The following PRMT7 variants were observed in gnomAD, a reference collection of about 807,000 sequenced individuals.
PRMT7 encodes the protein protein arginine methyltransferase 7, also known as protein arginine N-methyltransferase 7.
Under a neutral mutation model 85.4 loss-of-function variants are expected in PRMT7, and 75 were observed. That is an observed-to-expected ratio of 0.88 (90% confidence interval 0.73 to 1.06). The LOEUF is 1.06. PRMT7 is among the 50% of genes least tolerant of loss of function. The pLI is 0.00. For missense variants in PRMT7, 868 were observed against 915.2 expected, an observed-to-expected ratio of 0.95 and a Z score of 0.67; for synonymous variants, 397 against 359.5, an observed-to-expected ratio of 1.10 and a Z score of -1.18.
At chr16:68,324,389 C>G (rs953189727) in intron 4 of PRMT7, 1 of 409,390 alleles carries the variant, frequency 2.4e-6, no homozygotes, top group Non-Finnish European at 4.5e-6. Context: ...CTCTTGGTCC[C>G]CCTTTTGGCT....
At position 68,353,209 on chromosome 16, in the gene PRMT7, G is replaced by A. The variant is rs558297935; in HGVS notation, c.1576-283G>A. Among the ~76,000 whole-genome samples, 17 of 152,276 alleles carry A rather than the reference G, an allele frequency of 1.1e-4. 1 individual carries two copies. The highest frequency in any genetic ancestry group is 6.8e-3 in the Middle Eastern group (2 of 294). ...ACAGATTTCTTCCCAAAGAAATGAT[G>A]TTCAGGATGGCCCGGATAGGAGTGT... On this transcript the variant is annotated intron_variant, in intron 15 of 18. Coordinates refer to ENST00000441236, the MANE Select transcript of PRMT7 (RefSeq NM_019023.5).
Position 68,348,376 on chromosome 16 carries a change from A to G in PRMT7, c.1358A>G (p.Asn453Ser). ...GCTAACCACTTGGAAGATAAAATTAACATCATAGAGAAACGGCCGGAATTA... is the reference window on the plus strand; with the variant it reads ...GCTAACCACTTGGAAGATAAAATTAGCATCATAGAGAAACGGCCGGAATTA... Reference protein sequence around the residue: ...FKANHLEDKINIIEKRPELLT... With the variant: ...FKANHLEDKISIIEKRPELLT... The change falls in exon 14 of 19, where the codon AAC becomes AGC. Residue 453 changes from asparagine to serine, a missense_variant. Coordinates refer to ENST00000441236, the MANE Select transcript of PRMT7 (RefSeq NM_019023.5). The G allele has an allele frequency of 6.2e-7, 1 of 1,611,624 alleles. No individual in the cohort carries two copies.
intron 6 of PRMT7, among the ~76,000 whole-genome samples, chr16:68,336,939 G>A (rs2084780728): frequency 6.6e-6 from 1 of 152,194 alleles, no homozygotes; most frequent in Admixed American, 6.5e-5. Context: ...TTTTAGTAGA[G>A]ATGGGGTTTC....
At chr16:68,332,812 G>A (rs1361786331) in intron 6 of PRMT7, among the ~76,000 whole-genome samples, 1 of 152,184 alleles carries the variant, frequency 6.6e-6, no homozygotes, top group African/African-American at 2.4e-5. Flanking sequence ...TCTCCTGGCT[G>A]ATAGCCAGAG....
chr16:68,338,866 AGC>A lies in PRMT7; in HGVS notation c.505-455_505-454del, dbSNP rs1597351593. Among the ~76,000 whole-genome samples, 3 of 152,280 alleles carry A rather than the reference AGC, an allele frequency of 2.0e-5. No individual in the cohort carries two copies. The East Asian group carries it at 5.8e-4, about 29-fold the overall frequency. ...GGAGGAGAGCCGGACAAGGAGCCGGAGCCGGAGCCACAGCCCTAGGGGCTGAG... is the reference window on the plus strand; with the variant it reads ...GGAGGAGAGCCGGACAAGGAGCCGGACGGAGCCACAGCCCTAGGGGCTGAG... On this transcript the variant is annotated intron_variant, in intron 7 of 18. Transcript: ENST00000441236.
Position 68,324,775 on chromosome 16 carries a change from G to A in PRMT7, c.225G>A (p.Thr75=), listed in dbSNP as rs374878092. The part of the protein sequence containing the change: ...KALVLDIGTG[T]GLLSMMAVTA... Reference sequence around the variant, plus strand: ...TGGTTCTCGACATTGGCACTGGCACGGGACTCTTGTCAATGATGGCGGTCA... The same window carrying A: ...TGGTTCTCGACATTGGCACTGGCACAGGACTCTTGTCAATGATGGCGGTCA... The change falls in exon 5 of 19, where the codon ACG becomes ACA. Residue 75 remains threonine, a synonymous_variant. Coordinates refer to ENST00000441236, the MANE Select transcript of PRMT7 (RefSeq NM_019023.5). 1.1e-5 allele frequency: 17 copies of A among 1,613,936 alleles called. No individual in the cohort carries two copies. The highest frequency in any genetic ancestry group is 4.5e-5 in the East Asian group (2 of 44,900).
Position 68,322,252 on chromosome 16 carries a change from G to A in PRMT7, c.132+790G>A, listed in dbSNP as rs193125835. On this transcript the variant is annotated intron_variant, in intron 4 of 18. Transcript: ENST00000441236. The stretch of plus-strand genomic sequence containing the variant: ...TGAGACTGGGTCTCTGTTGCCCAGT[G>A]CAGTGGTGTGATCTCGGCTGCACTG... 4.5e-3 allele frequency: 1,226 copies of A among 274,706 alleles called. 2 individuals are homozygous for A. Among genetic ancestry groups the A allele is most frequent in the Middle Eastern group, 7.1e-3 (5 of 706 alleles). The allele number at this position is 274,706 out of a possible 1,614,324, so 17.0% of individuals were successfully genotyped here.
At chr16:68,354,151 G>C (rs915220164) in intron 16 of PRMT7, among the ~76,000 whole-genome samples, 11 of 152,156 alleles carry the variant, frequency 7.2e-5, no homozygotes, top group Admixed American at 6.5e-5. Flanking sequence ...CCTGAGGCTG[G>C]TGGATTGCTT....
intron 14 of PRMT7, among the ~76,000 whole-genome samples, chr16:68,351,163 C>T (rs2087269244): frequency 6.6e-6 from 1 of 152,204 alleles, no homozygotes; most frequent in Admixed American, 6.5e-5. Context: ...TGCCATGTTC[C>T]TGATGCTGTG....
At chr16:68,319,711 A>AGAGTGTGTGTGTGT (rs1555543581) in intron 3 of PRMT7, among the ~76,000 whole-genome samples, 21 of 141,544 alleles carry the variant, frequency 1.5e-4, no homozygotes, top group East Asian at 4.4e-4. Flanking sequence ...TAAGAGTGAG[A>AGAGTGTGTGTGTGT]GTGTGTGTGT....
downstream of PRMT7, chr16:68,359,458 C>T (rs2089100532): frequency 6.6e-6 from 1 of 152,636 alleles, no homozygotes; most frequent in Admixed American, 6.5e-5. Context: ...AGGCCAGTGT[C>T]ACAAGGACGC....
At chr16:68,336,298 A>C (rs1245321912) in intron 6 of PRMT7, among the ~76,000 whole-genome samples, 1 of 152,234 alleles carries the variant, frequency 6.6e-6, no homozygotes, top group Non-Finnish European at 1.5e-5. Context: ...TGAGGTTTAG[A>C]AAACAGTTAA....
At chr16:68,321,389 G>A (rs1279450532) in intron 3 of PRMT7, 37 bp from the exon 4 acceptor site, 2 of 1,545,046 alleles carry the variant, frequency 1.3e-6, no homozygotes, top group Non-Finnish European at 1.8e-6. Context: ...GTGTTGATGT[G>A]TATCATGCAA....
chr16:68,346,250 A>T lies in PRMT7; in HGVS notation c.1161A>T (p.Arg387Ser). The change falls in exon 11 of 19, where the codon AGA becomes AGT. Residue 387 changes from arginine to serine, a missense_variant. Arg to Ser is a moderately radical substitution (Grantham distance 110). Coordinates refer to ENST00000441236, the MANE Select transcript of PRMT7 (RefSeq NM_019023.5). Reference sequence around the variant, plus strand: ...TTGGAGAGATCAATGACCAGGACAGAACTGATCGATACGTCCAGGCTCTGA... The same window carrying T: ...TTGGAGAGATCAATGACCAGGACAGTACTGATCGATACGTCCAGGCTCTGA... ...PRFGEINDQD[R>S]TDRYVQALRT... 6.2e-7 allele frequency: 1 copy of T among 1,614,222 alleles called. No homozygotes were observed. Among genetic ancestry groups the T allele is most frequent in the East Asian group, 2.2e-5 (1 of 44,888 alleles).
intron 14 of PRMT7, among the ~76,000 whole-genome samples, chr16:68,349,078 A>G (rs2086868208): frequency 6.6e-6 from 1 of 152,122 alleles, no homozygotes; most frequent in Admixed American, 6.5e-5. Flanking sequence ...TTCCTGCTGC[A>G]GTCAGGCTTC....
At chr16:68,339,197 G>A (rs1322945689) in intron 7 of PRMT7, 125 bp from the exon 8 acceptor site, 1 of 1,224,968 alleles carries the variant, frequency 8.2e-7, no homozygotes, top group Admixed American at 2.2e-5. Flanking sequence ...TATTCTAATA[G>A]TATAAGGTGT....
Position 68,355,839 on chromosome 16 carries a change from G to C in PRMT7, c.1767G>C (p.Val589=), listed in dbSNP as rs2088315613. 5 of 1,608,592 alleles carry C rather than the reference G, an allele frequency of 3.1e-6. No individual in the cohort carries two copies. The highest frequency in any genetic ancestry group is 1.7e-4 in the Middle Eastern group (1 of 6,044). ...QILTFDFQQP[V]PLQPLCAEGT... is the part of the protein sequence containing the mutation. Reference sequence around the variant, plus strand: ...TGACCTTTGACTTCCAGCAGCCGGTGCCCCTGCAGCCCCTGTGTGCCGAGG... The same window carrying C: ...TGACCTTTGACTTCCAGCAGCCGGTCCCCCTGCAGCCCCTGTGTGCCGAGG... Residue 589 remains valine, a synonymous_variant, in exon 17 of 19, where the codon GTG becomes GTC. Transcript: ENST00000441236.
intron 12 of PRMT7, 144 bp downstream of exon 12, chr16:68,347,438 G>A (rs2086587871): frequency 4.7e-6 from 5 of 1,058,438 alleles, no homozygotes; most frequent in South Asian, 3.2e-5. Flanking sequence ...GGGCTGGGGG[G>A]TTTATTGCCT....
chr16:68,353,559 T>A lies in PRMT7; in HGVS notation c.1643T>A (p.Met548Lys). Reference sequence around the variant, plus strand: ...TTCGACGTGCACATCATGGACGACATGATTAAGGTAGGCAGGGCCACACTC... The same window carrying A: ...TTCGACGTGCACATCATGGACGACAAGATTAAGGTAGGCAGGGCCACACTC... ...EGFDVHIMDD[M>K]IKRALDFRES... is the part of the protein sequence containing the mutation. The change falls in exon 16 of 19, where the codon ATG becomes AAG. Residue 548 changes from methionine (M) to lysine (K), a missense_variant. Physicochemically the swap from Met to Lys is moderately conservative, Grantham distance 95. Coordinates refer to ENST00000441236, the MANE Select transcript of PRMT7 (RefSeq NM_019023.5). The A allele has an allele frequency of 6.3e-7, 1 of 1,579,894 alleles. No homozygotes were observed. Among genetic ancestry groups the A allele is most frequent in the Non-Finnish European group, 8.6e-7 (1 of 1,163,752 alleles).
Sources: gnomAD v4.1 joint callset for allele counts (sites outside exome capture counted in the v4.1 genomes callset) on GRCh38, gnomAD v4.1.1 for gene constraint, MANE v1.5 for transcripts, NCBI Gene and HGNC (gene_info 2026-07-23, HGNC 2026-07-21) for gene names.